The following MALAT1 variants were observed in gnomAD, a reference collection of about 807,000 sequenced individuals.
MALAT1 encodes hepcarcin.
chr11:65,503,220 C>T (rs764599267), exon 3 of MALAT1: 2 of 513,754 alleles, frequency 3.9e-6, no homozygotes, highest in Non-Finnish European at 7.8e-6. Context: ...TGCAGTATTG[C>T]ATGTTAGGGA....
exon 3 of MALAT1, chr11:65,500,419 C>G (rs1854518469): frequency 1.9e-6 from 1 of 518,848 alleles, no homozygotes. Flanking sequence ...GAAGTGGATT[C>G]AGTGAATCTA....
At chr11:65,498,356 G>T (rs1194090775) in intron 1 of MALAT1, 11 of 517,782 alleles carry the variant, frequency 2.1e-5, no homozygotes, top group African/African-American at 1.3e-4. Context: ...GCAACTGGGG[G>T]GCCGCAGATC....
exon 3 of MALAT1, chr11:65,499,008 C>G (rs534539647): frequency 5.8e-6 from 3 of 518,700 alleles, no homozygotes; most frequent in African/African-American, 5.8e-5. Context: ...GCGAGTTGTT[C>G]TCCGTCTATA....
chr11:65,504,321 TAC>T (rs1854625622), intron 3 of MALAT1: 1 of 496,882 alleles, frequency 2.0e-6, no homozygotes, highest in African/African-American at 2.0e-5. Flanking sequence ...TTTTTTTTTT[TAC>T]AGACTTCACA....
At chr11:65,500,588 G>A (rs748461812) in exon 3 of MALAT1, 7 of 518,816 alleles carry the variant, frequency 1.3e-5, no homozygotes, top group South Asian at 9.8e-5. Context: ...GAGCGCTAAC[G>A]ATTTGGTGGT....
At chr11:65,501,244 G>C (rs776863688) in exon 3 of MALAT1, 1 of 494,740 alleles carries the variant, frequency 2.0e-6, no homozygotes, top group Non-Finnish European at 4.0e-6. Context: ...GTGGGGGTGG[G>C]GGCAAAATAT....
chr11:65,502,183 A>AC (rs1565053512), exon 3 of MALAT1: 1 of 518,370 alleles, frequency 1.9e-6, no homozygotes, highest in Non-Finnish European at 3.9e-6. Flanking sequence ...AAAGTATTGA[A>AC]CTGGGGGTTG....
At chr11:65,498,575 A>G (rs780882365) in intron 1 of MALAT1, 12 of 518,560 alleles carry the variant, frequency 2.3e-5, no homozygotes, top group African/African-American at 1.2e-4. Flanking sequence ...GTTGGGGGAG[A>G]AAGTCCGCCA....
chr11:65,502,863 C>T (rs544964877), exon 3 of MALAT1: 55 of 494,738 alleles, frequency 1.1e-4, no homozygotes, highest in South Asian at 3.7e-4. Context: ...TTTAAAGTTA[C>T]GGAATCTACC....
rs765879330 is a variant in MALAT1, at chr11:65,498,764, G to A, written n.231+30G>A. On this transcript the variant is annotated intron_variant and non_coding_transcript_variant, in intron 2 of 3. Transcript: ENST00000619449. ...TTTAAAAGTTCCGGGGGTTTTGTGA[G>A]GTGTTTGATGACCCGTTTAAAATAT... The A allele has an allele frequency of 7.7e-6, 4 of 518,888 alleles. No individual in the cohort carries two copies. In the East Asian group the frequency reaches 1.6e-4, roughly 21 times the overall value. The allele number at this position is 518,888 out of a possible 1,614,324, so 32.1% of individuals were successfully genotyped here.
At chr11:65,504,809 C>T (rs760990932) in intron 3 of MALAT1, 18 of 518,860 alleles carry the variant, frequency 3.5e-5, no homozygotes, top group Non-Finnish European at 6.2e-5. Flanking sequence ...GGTCTTAATT[C>T]TTACATGCAG....
intron 3 of MALAT1, chr11:65,505,941 G>T: frequency 2.3e-6 from 1 of 436,774 alleles, no homozygotes; most frequent in South Asian, 1.7e-5. Flanking sequence ...TCTCTGCTAA[G>T]ACTTTTTCAG....
intron 1 of MALAT1, chr11:65,498,415 A>AGCT (rs1854450505): frequency 1.9e-6 from 1 of 518,468 alleles, no homozygotes; most frequent in Non-Finnish European, 3.8e-6. Context: ...GGCGGGGAGC[A>AGCT]GCTCTGTGGT....
intron 3 of MALAT1, chr11:65,505,572 G>A (rs963554891): frequency 1.9e-6 from 1 of 516,192 alleles, no homozygotes; most frequent in Non-Finnish European, 3.9e-6. Flanking sequence ...GCCACCCCGT[G>A]CCTTTTGATC....
chr11:65,504,802 C>T (rs773492465), intron 3 of MALAT1: 14 of 518,856 alleles, frequency 2.7e-5, no homozygotes, highest in East Asian at 5.4e-5. Flanking sequence ...CTCCCTTGGT[C>T]TTAATTCTTA....
chr11:65,504,840 T>C (rs754935259), intron 3 of MALAT1: 3 of 518,992 alleles, frequency 5.8e-6, no homozygotes, highest in Non-Finnish European at 1.2e-5. Context: ...CAGACACACG[T>C]ATGCGAAGGG....
At chr11:65,501,005 T>G in exon 3 of MALAT1, 1 of 505,238 alleles carries the variant, frequency 2.0e-6, no homozygotes, top group Non-Finnish European at 3.9e-6. Flanking sequence ...GGCAAGTTTG[T>G]GGGTTTTTTT....
At chr11:65,502,447 AAT>A (rs1854571413) in exon 3 of MALAT1, 1 of 500,838 alleles carries the variant, frequency 2.0e-6, no homozygotes, top group African/African-American at 2.0e-5. Flanking sequence ...GTGTAGGAGA[AAT>A]ACTTTTCCAT....
chr11:65,500,197 TA>T, exon 3 of MALAT1: 1 of 510,148 alleles, frequency 2.0e-6, no homozygotes, highest in South Asian at 1.4e-5. Context: ...TAAAAAAAAC[TA>T]AGGCAGAAGG....
Sources: gnomAD v4.1 joint callset for allele counts on GRCh38, gnomAD v4.1.1 for gene constraint, MANE v1.5 for transcripts, NCBI Gene and HGNC (gene_info 2026-07-23, HGNC 2026-07-21) for gene names.